Variants in DACH2 observed in about 807,000 individuals in gnomAD.
DACH2 encodes the protein dachshund homolog 2.
DACH2 carries 17 observed loss-of-function variants against 35.8 expected under a neutral mutation model. The ratio of observed to expected loss-of-function variants is 0.48; its 90% CI spans 0.33 to 0.71. The LOEUF (loss-of-function observed/expected upper bound fraction) is 0.71, where lower values mean the gene tolerates loss of function less well. Ranked by LOEUF, DACH2 falls within the 30% of genes least tolerant of loss-of-function variation. The pLI is 0.02. For missense variants in DACH2, 469 were observed against 472.7 expected (o/e 0.99, Z 0.07); for synonymous variants, 195 against 177.3 (o/e 1.10, Z -0.79).
At chrX:86,305,146 C>A (rs964317944) in intron 1 of DACH2, 2 of 134,464 alleles carry the variant, frequency 1.5e-5, no homozygotes, top group Non-Finnish European at 3.3e-5. Flanking sequence ...CAGCCTCACC[C>A]TTTTTGGGGG....
chrX:86,594,082 CTCTT>C (rs1301127975), intron 3 of DACH2, among the ~76,000 whole-genome samples: 3 of 111,503 alleles, frequency 2.7e-5, no homozygotes, highest in African/African-American at 9.7e-5. Context: ...TGGTAATTGA[CTCTT>C]TCAAGGAATT....
chrX:86,808,027 T>C, intron 7 of DACH2, among the ~76,000 whole-genome samples: 1 of 111,515 alleles, frequency 9.0e-6, no homozygotes, highest in Non-Finnish European at 1.9e-5. Flanking sequence ...AGCTAGAGAG[T>C]GAACAGATTA....
chrX:86,247,005 C>A (rs1225906246), intron 1 of DACH2, among the ~76,000 whole-genome samples: 5 of 111,471 alleles, frequency 4.5e-5, no homozygotes, highest in Non-Finnish European at 9.4e-5. Context: ...AAATGAAAAA[C>A]AAAATAAAAG....
intron 1 of DACH2, among the ~76,000 whole-genome samples, chrX:86,152,805 G>C (rs2030410674): frequency 9.0e-6 from 1 of 111,387 alleles, no homozygotes; most frequent in Admixed American, 9.6e-5. Flanking sequence ...TTTGGATTTT[G>C]TTTTTTGCAG....
At chrX:86,761,060 G>A (rs764241323) in intron 7 of DACH2, among the ~76,000 whole-genome samples, 1 of 111,170 alleles carries the variant, frequency 9.0e-6, no homozygotes, top group African/African-American at 3.3e-5. Context: ...TAAGTTCTGG[G>A]ATACATGTGC....
intron 1 of DACH2, among the ~76,000 whole-genome samples, chrX:86,359,250 A>C (rs970681060): frequency 2.7e-5 from 3 of 111,357 alleles, no homozygotes; most frequent in Non-Finnish European, 5.6e-5. Flanking sequence ...TAAAATATAA[A>C]GTCAAATGAA....
chrX:86,660,066 G>T (rs1445384083), intron 4 of DACH2, among the ~76,000 whole-genome samples: 1 of 110,939 alleles, frequency 9.0e-6, no homozygotes, highest in Non-Finnish European at 1.9e-5. Context: ...TCCTGCTTTT[G>T]GGATTTGGAA....
At chrX:86,818,964 A>G (rs1242388355) in intron 11 of DACH2, among the ~76,000 whole-genome samples, 1 of 108,127 alleles carries the variant, frequency 9.2e-6, no homozygotes, top group East Asian at 2.9e-4. Flanking sequence ...CTGCACATGT[A>G]CCAGAAATCT....
In DACH2 at chrX:86,226,206, G is replaced by A. The variant is rs111274715; in HGVS notation, c.488+77098G>A. On this transcript the variant is annotated intron_variant, in intron 1 of 11. Transcript: ENST00000373125. Reference sequence around the variant, plus strand: ...TATAAAAATGAAGGCAGTTTTGAACGTGTAAAAAAGTCAAATGATAGGCTA... The same window carrying A: ...TATAAAAATGAAGGCAGTTTTGAACATGTAAAAAAGTCAAATGATAGGCTA... 7.3e-3 allele frequency among the ~76,000 whole-genome samples: 811 copies of A among 111,659 alleles called. 2 individuals are homozygous for A. Among genetic ancestry groups the A allele is most frequent in the Middle Eastern group, 0.023 (5 of 219 alleles).
At chrX:86,358,818 T>C (rs2035686822) in intron 1 of DACH2, among the ~76,000 whole-genome samples, 1 of 112,035 alleles carries the variant, frequency 8.9e-6, no homozygotes, top group South Asian at 3.7e-4. Context: ...TGATGCACTT[T>C]CCATACAAGG....
At chrX:86,531,914 C>T (rs1216346037) in intron 3 of DACH2, among the ~76,000 whole-genome samples, 3 of 112,961 alleles carry the variant, frequency 2.7e-5, no homozygotes, top group Non-Finnish European at 5.6e-5. Context: ...GTAGAGCTGC[C>T]CAAGTTCTTG....
rs148548634 is a variant in DACH2 at position 86,804,187 on chromosome X, C to T, written c.1241-8669C>T. Among the ~76,000 whole-genome samples, 227 of 111,673 alleles carry T rather than the reference C, an allele frequency of 2.0e-3. 6 individuals carry two copies. Among genetic ancestry groups the T allele is most frequent in the African/African-American group, 7.0e-3 (214 of 30,711 alleles). The stretch of plus-strand genomic sequence containing the variant: ...TTGGATAATGGTTCTTCAGGCTGTA[C>T]AGGAAATATGATACTGGCATCTGCT... On this transcript the variant is annotated intron_variant, in intron 7 of 11. Coordinates refer to ENST00000373125, the MANE Select transcript of DACH2 (RefSeq NM_053281.3).
intron 7 of DACH2, among the ~76,000 whole-genome samples, chrX:86,784,114 A>G (rs2042114643): frequency 1.8e-5 from 2 of 109,938 alleles, no homozygotes; most frequent in South Asian, 7.8e-4. Context: ...AAATATATAC[A>G]CCTACAATGT....
At chrX:86,326,259 G>A (rs2035111593) in intron 1 of DACH2, among the ~76,000 whole-genome samples, 1 of 110,282 alleles carries the variant, frequency 9.1e-6, no homozygotes, top group African/African-American at 3.3e-5. Context: ...GGTGAATCAC[G>A]AGGTCAGGAG....
chrX:86,295,517 G>A (rs2034432408), intron 1 of DACH2, among the ~76,000 whole-genome samples: 1 of 111,796 alleles, frequency 8.9e-6, no homozygotes, highest in South Asian at 3.8e-4. Flanking sequence ...TCTTGGTGTT[G>A]ACTGTCTTTC....
chrX:86,278,636 C>T (rs1206643164), intron 1 of DACH2, among the ~76,000 whole-genome samples: 7 of 112,156 alleles, frequency 6.2e-5, no homozygotes, highest in African/African-American at 1.9e-4. Context: ...AGAAATGCTA[C>T]TGACTTTTGG....
chrX:86,411,331 C>T (rs1040383474), intron 2 of DACH2, among the ~76,000 whole-genome samples: 19 of 108,928 alleles, frequency 1.7e-4, no homozygotes, highest in East Asian at 8.9e-4. Context: ...CCCAGCCCAC[C>T]GACTCAAATG....
chrX:86,711,502 A>T (rs1417141083), intron 5 of DACH2, among the ~76,000 whole-genome samples: 3 of 112,935 alleles, frequency 2.7e-5, no homozygotes, highest in East Asian at 2.8e-4. Flanking sequence ...GGTGATTTTT[A>T]AAAAAGATTT....
chrX:86,470,694 T>C (rs1230255660), intron 2 of DACH2, among the ~76,000 whole-genome samples: 1 of 110,911 alleles, frequency 9.0e-6, no homozygotes, highest in Non-Finnish European at 1.9e-5. Flanking sequence ...TAATGTATAG[T>C]ATTTGGGTGA....
Sources: allele counts gnomAD v4.1 joint callset (sites outside exome capture counted in the v4.1 genomes callset), GRCh38; gene constraint gnomAD v4.1.1; transcripts MANE v1.5; gene names NCBI Gene and HGNC (gene_info 2026-07-23, HGNC 2026-07-21).